Variants in ADCY7 observed in about 807,000 individuals in gnomAD.
ADCY7 encodes adenylate cyclase 7.
A neutral mutation model predicts 120.6 loss-of-function variants in ADCY7; 72 were observed. The observed-to-expected ratio is 0.60, with a 90% CI of 0.49 to 0.73. The LOEUF (loss-of-function observed/expected upper bound fraction) is 0.73. ADCY7 is among the 30% of genes least tolerant of loss of function. The pLI is 0.00. For synonymous variants in ADCY7, 661 were observed against 628.0 expected (o/e 1.05, Z -0.78); for missense variants, 1,227 against 1,486.0 (o/e 0.83, Z 2.87).
At chr16:50,281,496 C>T (rs1357476434) in intron 1 of ADCY7, among the ~76,000 whole-genome samples, 4 of 152,348 alleles carry the variant, frequency 2.6e-5, no homozygotes, top group East Asian at 1.9e-4. Context: ...TGCCACTCTG[C>T]GTGCTTCCCC....
rs752983838 is a variant in ADCY7, at chr16:50,310,728, G to A, written c.2202G>A (p.Ser734=). The change falls in exon 19 of 26, where the codon TCG becomes TCA. Residue 734 remains serine, a synonymous_variant. Transcript: ENST00000673801. ...CSCVLGFIAC[S]VFLRMSLEPK... ...GTGTCCTGGGCTTCATCGCCTGCTCGGTCTTCCTGAGGATGAGCCTGGAGC... is the reference window on the plus strand; with the variant it reads ...GTGTCCTGGGCTTCATCGCCTGCTCAGTCTTCCTGAGGATGAGCCTGGAGC... The A allele has an allele frequency of 6.2e-6, 10 of 1,614,066 alleles. No homozygotes were observed. Among genetic ancestry groups the A allele is most frequent in the South Asian group, 2.2e-5 (2 of 91,082 alleles).
chr16:50,274,615 G>C (rs796529243), intron 1 of ADCY7, among the ~76,000 whole-genome samples: 2 of 152,188 alleles, frequency 1.3e-5, no homozygotes, highest in Non-Finnish European at 2.9e-5. Context: ...TTGGGGCTGG[G>C]CACTTTGCGA....
Position 50,288,348 on chromosome 16 carries a change from G to A in ADCY7, c.169G>A (p.Gly57Arg), listed in dbSNP as rs756799073. Residue 57 changes from glycine to arginine, a missense_variant and splice_region_variant, in exon 2 of 26, where the codon GGG (glycine) becomes AGG (arginine). By Grantham distance (125) the Gly-to-Arg change is moderately radical (BLOSUM62 -2). Around this residue, in one of 5 missense-constraint regions of ADCY7, gnomAD observed 382 missense variants for 411.4 expected, o/e 0.93. Coordinates refer to ENST00000673801, the MANE Select transcript of ADCY7 (RefSeq NM_001114.5). ...CCTCATCATCATTGCCTTCAGCCAG[G>A]GGGTGAGTGAGGGCAGCCCCTGGGC... ...VALIIIAFSQ[G>R]DPSRHQAILG... is the part of the protein sequence containing the mutation. 7 of 1,543,988 alleles carry A rather than the reference G, an allele frequency of 4.5e-6. No homozygotes were observed. Among genetic ancestry groups the A allele is most frequent in the Non-Finnish European group, 6.1e-6 (7 of 1,141,990 alleles).
chr16:50,308,998 T>C, intron 17 of ADCY7: 2 of 536,286 alleles, frequency 3.7e-6, no homozygotes, highest in Non-Finnish European at 6.2e-6. Flanking sequence ...AGAGCTTGTG[T>C]GGCCAGCTCC....
In ADCY7 at chr16:50,307,766, G is replaced by A. The variant is rs151171728; in HGVS notation, c.1851-561G>A. On this transcript the variant is annotated intron_variant, in intron 15 of 25. Coordinates refer to ENST00000673801, the MANE Select transcript of ADCY7 (RefSeq NM_001114.5). ...TAATCCCAGCACTTTGGGAGGCTGC[G>A]GGGCGAATCACTCGAGGTCAGGGGT... Among the ~76,000 whole-genome samples, 492 of 152,238 alleles carry A rather than the reference G, an allele frequency of 3.2e-3. 3 individuals are homozygous for A. The highest frequency in any genetic ancestry group is 0.011 in the African/African-American group (458 of 41,538).
intron 1 of ADCY7, among the ~76,000 whole-genome samples, chr16:50,283,362 G>A (rs1335965872): frequency 6.6e-6 from 1 of 152,220 alleles, no homozygotes; most frequent in African/African-American, 2.4e-5. Context: ...TCAGTTTCAG[G>A]TGGGCTCTCT....
intron 1 of ADCY7, among the ~76,000 whole-genome samples, chr16:50,276,249 G>A (rs1318957378): frequency 6.6e-6 from 1 of 152,250 alleles, no homozygotes; most frequent in Non-Finnish European, 1.5e-5. Flanking sequence ...CTGAGTTGCT[G>A]ACCAATGTTC....
At chr16:50,302,498 A>G (rs1567568610) in intron 10 of ADCY7, among the ~76,000 whole-genome samples, 1 of 152,138 alleles carries the variant, frequency 6.6e-6, no homozygotes, top group African/African-American at 2.4e-5. Flanking sequence ...CATGTTTCGC[A>G]TAAGTGTTGC....
At chr16:50,259,868 A>G (rs2033013256) in intron 1 of ADCY7, among the ~76,000 whole-genome samples, 2 of 152,222 alleles carry the variant, frequency 1.3e-5, no homozygotes. Flanking sequence ...TAGCCTGCAC[A>G]GGAACAGATC....
At chr16:50,247,703 C>T (rs941699794) in intron 1 of ADCY7, among the ~76,000 whole-genome samples, 1 of 152,038 alleles carries the variant, frequency 6.6e-6, no homozygotes, top group South Asian at 2.1e-4. Context: ...TTCTTTTTGA[C>T]TCCTGATTTT....
rs918818957 is a variant in ADCY7, at chr16:50,291,621, G to A, written c.376-115G>A. 2.3e-5 allele frequency: 28 copies of A among 1,235,332 alleles called. 1 individual carries two copies. Among genetic ancestry groups the A allele is most frequent in the Admixed American group, 1.0e-4 (5 of 49,910 alleles). 76.5% of individuals were successfully genotyped at this position (1,235,332 alleles called of 1,614,324 possible). On this transcript the variant is annotated intron_variant, in intron 3 of 25. Transcript: ENST00000673801. Reference sequence around the variant, plus strand: ...TATGTCTGCCCACGCAGGGGGTGGCGAGGGAGCCAACCTAAGGATACGCAC... The same window carrying A: ...TATGTCTGCCCACGCAGGGGGTGGCAAGGGAGCCAACCTAAGGATACGCAC...
At chr16:50,296,750 AT>A (rs1302983601) in intron 7 of ADCY7, among the ~76,000 whole-genome samples, 5 of 152,146 alleles carry the variant, frequency 3.3e-5, no homozygotes, top group Non-Finnish European at 7.4e-5. Flanking sequence ...ACTGGGAAGA[AT>A]TTTTCATGAT....
chr16:50,285,259 T>C (rs915165062), intron 1 of ADCY7, among the ~76,000 whole-genome samples: 2 of 152,188 alleles, frequency 1.3e-5, no homozygotes, highest in African/African-American at 4.8e-5. Context: ...GTTGAACAGG[T>C]GCCAAGGCCT....
chr16:50,290,432 A>G (rs372365735), intron 2 of ADCY7, 25 bp from the exon 3 acceptor site: 2 of 1,613,226 alleles, frequency 1.2e-6, no homozygotes, highest in Non-Finnish European at 1.7e-6. Flanking sequence ...AAGCCGAGGC[A>G]TTCCTGTCTG....
chr16:50,299,144 G>C lies in ADCY7; in HGVS notation c.1076+113G>C, dbSNP rs1316707927. ...AGATGGGGAAACTGAGGCTCGGGGGGTTGGGGGTGAAAGCAGCTTGCCTGG... is the reference window on the plus strand; with the variant it reads ...AGATGGGGAAACTGAGGCTCGGGGGCTTGGGGGTGAAAGCAGCTTGCCTGG... On this transcript the variant is annotated intron_variant, in intron 8 of 25. Coordinates refer to ENST00000673801, the MANE Select transcript of ADCY7 (RefSeq NM_001114.5). 20 of 1,385,900 alleles carry C rather than the reference G, an allele frequency of 1.4e-5. No homozygotes were observed. The East Asian group carries it at 4.9e-4, about 34-fold the overall frequency. 85.9% of individuals were successfully genotyped at this position (1,385,900 alleles called of 1,614,324 possible).
chr16:50,301,262 A>G (rs757204888), intron 10 of ADCY7, 48 bp downstream of exon 10: 24 of 1,544,300 alleles, frequency 1.6e-5, no homozygotes, highest in East Asian at 4.9e-5. Context: ...GAGGGACTGG[A>G]GGGGCCCTGG....
At chr16:50,249,255 C>A (rs2032679795) in intron 1 of ADCY7, among the ~76,000 whole-genome samples, 1 of 152,078 alleles carries the variant, frequency 6.6e-6, no homozygotes, top group African/African-American at 2.4e-5. Context: ...GCCTGGCCAA[C>A]ATGATGAAAC....
intron 1 of ADCY7, among the ~76,000 whole-genome samples, chr16:50,257,519 C>G (rs533792973): frequency 6.6e-6 from 1 of 152,170 alleles, no homozygotes; most frequent in South Asian, 2.1e-4. Flanking sequence ...AGCTTCATTT[C>G]ATCATTCTCC....
chr16:50,265,299 CGACCCT>C (rs2033171881), upstream of ADCY7, among the ~76,000 whole-genome samples: 1 of 152,148 alleles, frequency 6.6e-6, no homozygotes, highest in South Asian at 2.1e-4. Flanking sequence ...GATAGGAGGG[CGACCCT>C]GATGGGGAGG....
Sources: allele counts gnomAD v4.1 joint callset (sites outside exome capture counted in the v4.1 genomes callset), GRCh38; gene constraint gnomAD v4.1.1; regional missense constraint gnomAD v4.1.1; transcripts MANE v1.5; gene names NCBI Gene and HGNC (gene_info 2026-07-23, HGNC 2026-07-21).